The following RUNX2 variants were observed in gnomAD, a reference collection of about 807,000 sequenced individuals.
RUNX2 encodes the protein RUNX family transcription factor 2, also known as runt-related transcription factor 2.
RUNX2 carries 10 observed loss-of-function variants against 51.7 expected under a neutral mutation model. That is an observed-to-expected ratio of 0.19 (90% confidence interval 0.12 to 0.33). The LOEUF (loss-of-function observed/expected upper bound fraction) is 0.33. RUNX2 is among the 10% of genes least tolerant of loss of function. The probability of loss-of-function intolerance (pLI) is 1.00; values close to 1 mark genes in which losing one functional copy is unlikely to be tolerated. For missense variants in RUNX2, 562 were observed against 691.3 expected (o/e 0.81, Z 2.10); for synonymous variants, 276 against 273.6 (o/e 1.01, Z -0.09).
chr6:45,489,853 G>GA (rs148991257), intron 5 of RUNX2, among the ~76,000 whole-genome samples: 89 of 152,298 alleles, frequency 5.8e-4, no homozygotes, highest in Non-Finnish European at 1.1e-3. Flanking sequence ...GGTAATGGGT[G>GA]AATTATTAAC....
intron 5 of RUNX2, among the ~76,000 whole-genome samples, chr6:45,467,101 T>C (rs1799656057): frequency 6.6e-6 from 1 of 152,154 alleles, no homozygotes. Context: ...TGCTTAGCCA[T>C]GGTCCATGCC....
At chr6:45,438,421 A>G (rs1056030239) in intron 5 of RUNX2, among the ~76,000 whole-genome samples, 1 of 152,252 alleles carries the variant, frequency 6.6e-6, no homozygotes, top group Non-Finnish European at 1.5e-5. Context: ...AGCTTAGTCA[A>G]AAAGCACTGG....
At chr6:45,387,346 G>T (rs1013052529) in intron 2 of RUNX2, among the ~76,000 whole-genome samples, 2 of 152,134 alleles carry the variant, frequency 1.3e-5, no homozygotes, top group African/African-American at 4.8e-5. Context: ...TAGTTCAAGA[G>T]AGTGGCTGCA....
intron 3 of RUNX2, 38 bp downstream of exon 3, chr6:45,422,995 C>A: frequency 6.3e-7 from 1 of 1,594,430 alleles, no homozygotes; most frequent in Non-Finnish European, 8.5e-7. Flanking sequence ...CGGCCGGGAG[C>A]GGCGGAACCT....
At chr6:45,387,390 T>C (rs1230712610) in intron 2 of RUNX2, among the ~76,000 whole-genome samples, 1 of 152,180 alleles carries the variant, frequency 6.6e-6, no homozygotes, top group Non-Finnish European at 1.5e-5. Context: ...CACACAGCAC[T>C]CATCATTCCA....
At chr6:45,537,605 C>T (rs973475869) in intron 7 of RUNX2, among the ~76,000 whole-genome samples, 2 of 152,138 alleles carry the variant, frequency 1.3e-5, no homozygotes, top group Admixed American at 6.6e-5. Context: ...GCCACTCTTT[C>T]CTCTTAGTCA....
chr6:45,435,638 G>A (rs1189552781), intron 4 of RUNX2, among the ~76,000 whole-genome samples: 1 of 152,168 alleles, frequency 6.6e-6, no homozygotes, highest in Non-Finnish European at 1.5e-5. Flanking sequence ...GATTACAGGC[G>A]TGAGCCACCG....
chr6:45,429,953 G>T (rs1160251041), intron 3 of RUNX2, among the ~76,000 whole-genome samples: 1 of 152,078 alleles, frequency 6.6e-6, no homozygotes, highest in Non-Finnish European at 1.5e-5. Context: ...AATTAGCCAG[G>T]TGTGGTGGTG....
intron 5 of RUNX2, among the ~76,000 whole-genome samples, chr6:45,460,119 G>T (rs1466503522): frequency 1.3e-5 from 2 of 152,168 alleles, no homozygotes; most frequent in African/African-American, 4.8e-5. Flanking sequence ...GTCAAATCTG[G>T]TGTGGTATTT....
At chr6:45,436,887 C>A (rs756066179) in intron 4 of RUNX2, among the ~76,000 whole-genome samples, 7 of 152,116 alleles carry the variant, frequency 4.6e-5, no homozygotes, top group Non-Finnish European at 7.4e-5. Flanking sequence ...ACAAAATGAG[C>A]TTTTTAAAGG....
At chr6:45,499,625 C>T (rs930654451) in intron 6 of RUNX2, among the ~76,000 whole-genome samples, 2 of 152,142 alleles carry the variant, frequency 1.3e-5, no homozygotes, top group African/African-American at 4.8e-5. Flanking sequence ...CTTTAGTACG[C>T]TTTCAGAAAA....
chr6:45,525,974 A>G (rs1368623215), intron 7 of RUNX2, among the ~76,000 whole-genome samples: 1 of 151,900 alleles, frequency 6.6e-6, no homozygotes, highest in Non-Finnish European at 1.5e-5. Flanking sequence ...CCTGGGTGAC[A>G]GAGACTCTGT....
intron 2 of RUNX2, among the ~76,000 whole-genome samples, chr6:45,358,732 G>T (rs549771750): frequency 1.3e-5 from 2 of 152,102 alleles, no homozygotes; most frequent in East Asian, 3.9e-4. Flanking sequence ...TCAGATTTTT[G>T]AAAGTTAATA....
chr6:45,354,948 A>C (rs910006106), intron 2 of RUNX2, among the ~76,000 whole-genome samples: 2 of 152,092 alleles, frequency 1.3e-5, no homozygotes, highest in Admixed American at 6.6e-5. Context: ...AAGAAACTGG[A>C]AAGATAAATA....
At chr6:45,490,078 A>G (rs958871232) in intron 5 of RUNX2, among the ~76,000 whole-genome samples, 1 of 152,196 alleles carries the variant, frequency 6.6e-6, no homozygotes, top group Non-Finnish European at 1.5e-5. Context: ...CGAGGGCTAT[A>G]TCCTCGTGAA....
At chr6:45,468,566 A>C (rs1799707392) in intron 5 of RUNX2, among the ~76,000 whole-genome samples, 1 of 152,192 alleles carries the variant, frequency 6.6e-6, no homozygotes, top group Non-Finnish European at 1.5e-5. Flanking sequence ...ATGAAACAAA[A>C]TATGCTTTGT....
At chr6:45,521,065 T>C (rs915092280) in intron 7 of RUNX2, among the ~76,000 whole-genome samples, 2 of 152,220 alleles carry the variant, frequency 1.3e-5, no homozygotes, top group East Asian at 3.9e-4. Flanking sequence ...TCTCCTTTTA[T>C]AAGCTTCTTA....
intron 5 of RUNX2, among the ~76,000 whole-genome samples, chr6:45,438,888 A>G (rs1429172572): frequency 6.6e-6 from 1 of 152,184 alleles, no homozygotes; most frequent in South Asian, 2.1e-4. Context: ...TGGAAACATC[A>G]TATAGAACTC....
At chr6:45,452,412 A>G (rs535416480) in intron 5 of RUNX2, among the ~76,000 whole-genome samples, 1 of 152,346 alleles carries the variant, frequency 6.6e-6, no homozygotes, top group African/African-American at 2.4e-5. Flanking sequence ...TGAACACACC[A>G]TTCCTTTCAG....
Sources: allele counts gnomAD v4.1 joint callset (sites outside exome capture counted in the v4.1 genomes callset), GRCh38; gene constraint gnomAD v4.1.1; transcripts MANE v1.5; gene names NCBI Gene and HGNC (gene_info 2026-07-23, HGNC 2026-07-21).